Variants in SULF2 observed in about 807,000 individuals in gnomAD.
SULF2 encodes extracellular sulfatase Sulf-2.
SULF2 carries 52 observed loss-of-function variants against 107.7 expected under a neutral mutation model. The observed-to-expected ratio is 0.48, with a 90% confidence interval of 0.39 to 0.61. The LOEUF is 0.61. SULF2 is among the 20% of genes least tolerant of loss of function. SULF2 has a pLI of 0.00. For missense variants in SULF2, 993 were observed against 1,177.3 expected (o/e 0.84, Z 2.29); for synonymous variants, 460 against 464.3 (o/e 0.99, Z 0.12).
At chr20:47,683,226 C>T (rs769109064) in intron 6 of SULF2, 57 bp from the exon 7 acceptor site, 73 of 1,498,910 alleles carry the variant, frequency 4.9e-5, no homozygotes, top group Admixed American at 6.0e-5. Context: ...GGCCCGTCTC[C>T]GACCCGGGGT....
chr20:47,745,798 G>A (rs2090021783), intron 2 of SULF2, among the ~76,000 whole-genome samples: 1 of 152,010 alleles, frequency 6.6e-6, no homozygotes, highest in Admixed American at 6.6e-5. Flanking sequence ...CCAAAGTGCT[G>A]GGATTACAGG....
chr20:47,758,771 C>T (rs1215858031), intron 1 of SULF2, among the ~76,000 whole-genome samples: 2 of 151,522 alleles, frequency 1.3e-5, no homozygotes, highest in African/African-American at 2.5e-5. Flanking sequence ...AACAAGAGAG[C>T]ATGAGCGAGA....
chr20:47,668,070 A>T (rs2087337426), intron 11 of SULF2, among the ~76,000 whole-genome samples: 1 of 152,150 alleles, frequency 6.6e-6, no homozygotes. Context: ...ATGCAAGTAC[A>T]CAAATTGCCG....
chr20:47,663,342 G>T (rs1248013521), intron 16 of SULF2, 111 bp downstream of exon 16: 15 of 1,574,556 alleles, frequency 9.5e-6, no homozygotes. Flanking sequence ...GAGCACCGTG[G>T]ACCCCTGGTG....
intron 2 of SULF2, among the ~76,000 whole-genome samples, chr20:47,754,264 C>T (rs1416521688): frequency 6.6e-6 from 1 of 152,346 alleles, no homozygotes; most frequent in Non-Finnish European, 1.5e-5. Context: ...GGGATTATCT[C>T]AGTCAAGAAG....
Position 47,676,639 on chromosome 20 carries a change from C to G in SULF2, c.1251-16G>C. ...TAGCAGCTTGCTATGGGGCAGAGAG[C>G]AGGAGCCGCGGGGCCGGCCTCTCAG... On this transcript the variant is annotated splice_polypyrimidine_tract_variant and intron_variant, in intron 9 of 20. Transcript: ENST00000688720. The G allele has an allele frequency of 6.5e-7, 1 of 1,548,680 alleles. No homozygotes were observed.
At chr20:47,661,153 G>A (rs867080287) in intron 18 of SULF2, among the ~76,000 whole-genome samples, 3 of 151,966 alleles carry the variant, frequency 2.0e-5, no homozygotes, top group South Asian at 2.1e-4. Context: ...ATGCCCTCCC[G>A]CCACTCTCCA....
At chr20:47,746,280 A>ATCT (rs1568894111) in intron 2 of SULF2, among the ~76,000 whole-genome samples, 6 of 152,246 alleles carry the variant, frequency 3.9e-5, no homozygotes. Context: ...AGTGGGGAAG[A>ATCT]GAGGCTGTGG....
intron 3 of SULF2, among the ~76,000 whole-genome samples, chr20:47,714,162 A>G (rs2089028444): frequency 6.6e-6 from 1 of 152,248 alleles, no homozygotes; most frequent in African/African-American, 2.4e-5. Flanking sequence ...GAGTCTGCGA[A>G]AACAAAACGG....
chr20:47,675,091 G>T (rs1379233943), intron 10 of SULF2, among the ~76,000 whole-genome samples: 1 of 152,336 alleles, frequency 6.6e-6, no homozygotes, highest in African/African-American at 2.4e-5. Context: ...CATTCTGGCT[G>T]CCCAAGCCCT....
chr20:47,672,124 C>A (rs943808919), intron 11 of SULF2, 74 bp downstream of exon 11: 8 of 1,463,830 alleles, frequency 5.5e-6, no homozygotes, highest in Non-Finnish European at 6.5e-6. Flanking sequence ...GTGGAACTGT[C>A]GGAGTGAATG....
At chr20:47,765,832 G>A (rs775178706) in intron 1 of SULF2, among the ~76,000 whole-genome samples, 2 of 152,200 alleles carry the variant, frequency 1.3e-5, no homozygotes, top group Non-Finnish European at 2.9e-5. Flanking sequence ...CACTTATGCT[G>A]ACTTGGAAAG....
rs180826334 is a variant in SULF2, at chr20:47,759,949, T to C, written c.-100-2486A>G. ...TGAGGACAGAGACAGGCTTATGTTATTCATGGCTGTCTCCAGGCCTTGGCA... is the reference window on the plus strand; with the variant it reads ...TGAGGACAGAGACAGGCTTATGTTACTCATGGCTGTCTCCAGGCCTTGGCA... On this transcript the variant is annotated intron_variant, in intron 1 of 20. Transcript: ENST00000688720. Among the ~76,000 whole-genome samples the C allele has an allele frequency of 1.3e-4, 20 of 152,382 alleles. 1 individual carries two copies. In the East Asian group the frequency reaches 1.9e-3, roughly 15 times the overall value.
chr20:47,770,053 GTTTTTTTT>G (rs56786760), intron 1 of SULF2, among the ~76,000 whole-genome samples: 83 of 63,114 alleles, frequency 1.3e-3, no homozygotes, highest in African/African-American at 5.4e-3. Flanking sequence ...ATCTGGTGTA[GTTTTTTTT>G]TTTTTTTTTT....
In SULF2 at chr20:47,663,618, C is replaced by T. The variant is rs1399164356; in HGVS notation, c.2062G>A (p.Gly688Ser). 3 of 1,586,210 alleles carry T rather than the reference C, an allele frequency of 1.9e-6. No homozygotes were observed. Among genetic ancestry groups the T allele is most frequent in the Non-Finnish European group, 2.6e-6 (3 of 1,165,958 alleles). Reference protein sequence around the residue: ...RGSSLHPFRKGLQEKDKVWLL... With the variant: ...RGSSLHPFRKSLQEKDKVWLL... ...CACACCTTGTCCTTCTCTTGCAGGC[C>T]CTTCCTATGGGCGCAGAGGGCCACA... Residue 688 changes from glycine to serine, a missense_variant, in exon 16 of 21, where the codon GGC becomes AGC. Transcript: ENST00000688720.
chr20:47,780,021 T>TTTC (rs2090798476), intron 1 of SULF2, among the ~76,000 whole-genome samples: 1 of 149,554 alleles, frequency 6.7e-6, no homozygotes, highest in African/African-American at 2.5e-5. Flanking sequence ...TTGACTTTTT[T>TTTC]TTTTTTTTTT....
intron 3 of SULF2, chr20:47,706,822 C>T (rs4580443): frequency 0.31 from 47,291 of 152,016 alleles, 7,519 homozygotes; most frequent in East Asian, 0.52. Flanking sequence ...CCCTCAAACC[C>T]AGCCTTCACC....
chr20:47,706,140 A>T (rs1602693491), intron 3 of SULF2, among the ~76,000 whole-genome samples: 1 of 151,874 alleles, frequency 6.6e-6, no homozygotes, highest in Non-Finnish European at 1.5e-5. Flanking sequence ...CTATGGTCCA[A>T]CCCTCCAGCA....
chr20:47,718,722 A>G (rs2089199093), intron 3 of SULF2, among the ~76,000 whole-genome samples: 1 of 152,140 alleles, frequency 6.6e-6, no homozygotes, highest in Admixed American at 6.5e-5. Context: ...AGCAATGAGG[A>G]GGACAGATTT....
Sources: gnomAD v4.1 joint callset for allele counts (sites outside exome capture counted in the v4.1 genomes callset) on GRCh38, gnomAD v4.1.1 for gene constraint, MANE v1.5 for transcripts, NCBI Gene and HGNC (gene_info 2026-07-23, HGNC 2026-07-21) for gene names.